The following TANC2 variants were observed in gnomAD, a reference collection of about 807,000 sequenced individuals.
TANC2 encodes the protein protein TANC2.
Under a neutral mutation model 210.5 loss-of-function variants are expected in TANC2, and 26 were observed. The observed-to-expected ratio is 0.12, with a 90% CI of 0.09 to 0.17. The LOEUF is 0.17. Among genes scored for constraint, TANC2 ranks in the 10% least tolerant of loss-of-function variants. TANC2 has a pLI of 1.00. For missense variants in TANC2, 2,129 were observed against 2,608.9 expected, an observed-to-expected ratio of 0.82 and a Z score of 4.01; for synonymous variants, 931 against 967.1, an observed-to-expected ratio of 0.96 and a Z score of 0.69.
At chr17:63,111,811 C>T (rs927822369) in intron 4 of TANC2, among the ~76,000 whole-genome samples, 2 of 151,854 alleles carry the variant, frequency 1.3e-5, no homozygotes, top group Admixed American at 6.6e-5. Flanking sequence ...CTGCAACCTC[C>T]GCCTCCCAGG....
At chr17:63,391,129 A>ACACTACCTT (rs2047959798) in intron 17 of TANC2, 1 of 152,140 alleles carries the variant, frequency 6.6e-6, no homozygotes, top group African/African-American at 2.4e-5. Context: ...TTCTAAATTC[A>ACACTACCTT]CACTACCTTT....
At chr17:63,175,533 C>CAAAAAA in intron 5 of TANC2, among the ~76,000 whole-genome samples, 1 of 103,396 alleles carries the variant, frequency 9.7e-6, no homozygotes, top group Non-Finnish European at 2.0e-5. Flanking sequence ...TCTCCCCCGC[C>CAAAAAA]AAAAAAAAAA....
chr17:63,415,537 G>A (rs752149176), exon 26 of TANC2: 1 of 1,613,694 alleles, frequency 6.2e-7, no homozygotes, highest in South Asian at 1.1e-5. Context: ...GAAAGGTAAA[G>A]TAAAGGAAGC....
intron 9 of TANC2, among the ~76,000 whole-genome samples, chr17:63,280,010 C>T (rs1278231289): frequency 2.6e-5 from 4 of 152,056 alleles, no homozygotes; most frequent in Non-Finnish European, 5.9e-5. Context: ...ACATTTGAGT[C>T]ATGGTTAGTT....
chr17:63,284,958 C>G (rs990666884), intron 9 of TANC2, among the ~76,000 whole-genome samples: 1 of 151,882 alleles, frequency 6.6e-6, no homozygotes, highest in African/African-American at 2.4e-5. Flanking sequence ...ATGCACTGAC[C>G]CAGTGATCAT....
intron 19 of TANC2, 139 bp from the exon 20 acceptor site, chr17:63,404,983 G>A: frequency 9.5e-7 from 1 of 1,048,030 alleles, no homozygotes; most frequent in Non-Finnish European, 1.3e-6. Flanking sequence ...TTTTCTTTAT[G>A]GAAAAGGTGG....
chr17:63,329,182 T>C lies in TANC2; in HGVS notation c.1575+10092T>C, dbSNP rs544613937. 1.9e-3 allele frequency among the ~76,000 whole-genome samples: 283 copies of C among 152,132 alleles called. 1 individual carries two copies. The highest frequency in any genetic ancestry group is 6.6e-3 in the African/African-American group (272 of 41,448). On this transcript the variant is annotated intron_variant, in intron 11 of 27. Coordinates refer to ENST00000689528, the Ensembl canonical transcript of TANC2. ...ATTCTTAGATGTCAGCATGATAGATTTATTATTTTTTTAATGAATCAATAA... is the reference window on the plus strand; with the variant it reads ...ATTCTTAGATGTCAGCATGATAGATCTATTATTTTTTTAATGAATCAATAA...
rs1301528987 is a variant in TANC2 at position 63,180,905 on chromosome 17, T to C, written c.434-13086T>C. Among the ~76,000 whole-genome samples the C allele has an allele frequency of 2.0e-5, 3 of 150,936 alleles. No individual in the cohort carries two copies. The East Asian group carries it at 5.8e-4, about 29-fold the overall frequency. On this transcript the variant is annotated intron_variant, in intron 5 of 27. Transcript: ENST00000689528. ...CGGCCATGGTGGCAGGTGCATGTAG[T>C]CCCAGCTACTAGGGAGGCTGAGGCG...
At chr17:63,292,854 G>A (rs368745031) in intron 9 of TANC2, among the ~76,000 whole-genome samples, 16 of 152,158 alleles carry the variant, frequency 1.1e-4, no homozygotes, top group African/African-American at 3.6e-4. Context: ...TTAAACATGA[G>A]GAAACTGAAA....
chr17:63,021,035 G>A (rs1460306048), intron 2 of TANC2, among the ~76,000 whole-genome samples: 2 of 152,080 alleles, frequency 1.3e-5, no homozygotes, highest in African/African-American at 4.8e-5. Flanking sequence ...TCATGACCCA[G>A]ATACCTCTTG....
At chr17:63,036,361 GAA>G (rs1372579672) in intron 2 of TANC2, among the ~76,000 whole-genome samples, 4 of 152,044 alleles carry the variant, frequency 2.6e-5, no homozygotes, top group Non-Finnish European at 5.9e-5. Context: ...CACCATTGTT[GAA>G]AAGACTACAC....
chr17:63,113,698 G>A (rs1435239235), intron 4 of TANC2, among the ~76,000 whole-genome samples: 1 of 151,964 alleles, frequency 6.6e-6, no homozygotes, highest in African/African-American at 2.4e-5. Flanking sequence ...TTGTAGAGAT[G>A]GGGTCTTGCT....
In TANC2 at chr17:63,036,196, A is replaced by T. The variant is rs181829293; in HGVS notation, c.67+26570A>T. ...GGTTCATGTTTTTGCTATCATATTTAAAAACTCTTTGGCTAATCACAAGTC... is the reference window on the plus strand; with the variant it reads ...GGTTCATGTTTTTGCTATCATATTTTAAAACTCTTTGGCTAATCACAAGTC... On this transcript the variant is annotated intron_variant, in intron 2 of 27. Transcript: ENST00000689528. Among the ~76,000 whole-genome samples, 579 of 151,454 alleles carry T rather than the reference A, an allele frequency of 3.8e-3. 8 individuals carry two copies. The highest frequency in any genetic ancestry group is 3.5e-3 in the East Asian group (18 of 5,164).
At chr17:63,094,944 A>C (rs774952768) in intron 3 of TANC2, among the ~76,000 whole-genome samples, 11 of 152,168 alleles carry the variant, frequency 7.2e-5, no homozygotes, top group Non-Finnish European at 1.6e-4. Flanking sequence ...TGAGTAATGT[A>C]GAGTACCAGT....
chr17:63,175,918 A>G (rs1286828225), intron 5 of TANC2, among the ~76,000 whole-genome samples: 1 of 152,268 alleles, frequency 6.6e-6, no homozygotes, highest in Non-Finnish European at 1.5e-5. Context: ...TTCACAAAAG[A>G]AGATGTAAGA....
chr17:63,262,511 C>G (rs952347132), intron 8 of TANC2, among the ~76,000 whole-genome samples: 14 of 152,150 alleles, frequency 9.2e-5, no homozygotes, highest in Non-Finnish European at 1.8e-4. Flanking sequence ...CTTTTTTCAT[C>G]TACTGCCTAT....
In TANC2 at chr17:63,420,095, G is replaced by A. The variant is rs762758081; in HGVS notation, c.4365G>A (p.Glu1455=). 8.4e-6 allele frequency: 13 copies of A among 1,552,104 alleles called. No homozygotes were observed. Among genetic ancestry groups the A allele is most frequent in the African/African-American group, 4.1e-5 (3 of 73,020 alleles). The change falls in exon 28 of 28, where the codon GAG becomes GAA. Residue 1455 remains glutamate, a synonymous_variant. Transcript: ENST00000689528. This position sits in a 1 kb window ranked among gnomAD's most constrained non-coding sequence, Gnocchi z 4.2. ...GACTTCTGCTGAGAGTGGAAGAAGA[G>A]TGTAGACAGATGCAGCAGCCACAGC...
At chr17:63,012,292 A>G (rs975298300) in intron 2 of TANC2, among the ~76,000 whole-genome samples, 1 of 152,082 alleles carries the variant, frequency 6.6e-6, no homozygotes, top group Non-Finnish European at 1.5e-5. Flanking sequence ...AAGTATTGGG[A>G]TTACAGGTGT....
intron 2 of TANC2, among the ~76,000 whole-genome samples, chr17:63,068,863 T>C (rs1002177099): frequency 6.6e-6 from 1 of 152,156 alleles, no homozygotes; most frequent in African/African-American, 2.4e-5. Context: ...CTGGATGATA[T>C]AGTATCATTA....
Sources: gnomAD v4.1 joint callset for allele counts (sites outside exome capture counted in the v4.1 genomes callset) on GRCh38, gnomAD v4.1.1 for gene constraint, Gnocchi (gnomAD v3.1) non-coding constraint, MANE v1.5 for transcripts, NCBI Gene and HGNC (gene_info 2026-07-23, HGNC 2026-07-21) for gene names.